Variants in ASIC2 observed in about 807,000 individuals in gnomAD.
The protein encoded by ASIC2 is acid-sensing ion channel 2.
ASIC2 carries 25 observed loss-of-function variants against 57.3 expected under a neutral mutation model. The observed-to-expected ratio is 0.44, with a 90% CI of 0.32 to 0.61. ASIC2 has a LOEUF of 0.61. Ranked by LOEUF, ASIC2 falls within the 20% of genes least tolerant of loss-of-function variation. The probability of loss-of-function intolerance (pLI) is 0.06; values close to 1 mark genes in which losing one functional copy is unlikely to be tolerated. For missense variants in ASIC2, 641 were observed against 738.1 expected, an observed-to-expected ratio of 0.87 and a Z score of 1.52; for synonymous variants, 319 against 307.5, an observed-to-expected ratio of 1.04 and a Z score of -0.39.
chr17:33,687,358 G>A (rs1002982424), intron 1 of ASIC2, among the ~76,000 whole-genome samples: 2 of 152,184 alleles, frequency 1.3e-5, no homozygotes, highest in African/African-American at 4.8e-5. Flanking sequence ...CAAGAAGGAA[G>A]ATCCAAACAA....
intron 1 of ASIC2, among the ~76,000 whole-genome samples, chr17:33,159,190 C>A (rs1716805845): frequency 6.6e-6 from 1 of 152,172 alleles, no homozygotes; most frequent in Non-Finnish European, 1.5e-5. Context: ...GTTTGCTTAA[C>A]AACAGTAATT....
chr17:33,095,336 T>C (rs866435316), intron 2 of ASIC2, among the ~76,000 whole-genome samples: 18 of 152,294 alleles, frequency 1.2e-4, no homozygotes, highest in Middle Eastern at 6.8e-3. Context: ...CTCCATTCGG[T>C]GCCCCAATGT....
At chr17:33,639,512 T>G (rs1272298460) in intron 1 of ASIC2, among the ~76,000 whole-genome samples, 1 of 152,160 alleles carries the variant, frequency 6.6e-6, no homozygotes, top group East Asian at 1.9e-4. Flanking sequence ...CTGGGGTCCC[T>G]GGGAGCCTGC....
At chr17:33,470,051 G>A (rs1230579879) in intron 1 of ASIC2, among the ~76,000 whole-genome samples, 3 of 152,128 alleles carry the variant, frequency 2.0e-5, no homozygotes, top group African/African-American at 7.2e-5. Flanking sequence ...CACTGAAATG[G>A]GGAACATGCA....
chr17:33,491,864 A>G (rs183659382), intron 1 of ASIC2, among the ~76,000 whole-genome samples: 2 of 152,078 alleles, frequency 1.3e-5, no homozygotes, highest in East Asian at 3.9e-4. Flanking sequence ...GAGTTTATTC[A>G]TTAGACATGT....
At chr17:33,406,887 A>G (rs1910493233) in intron 1 of ASIC2, among the ~76,000 whole-genome samples, 1 of 152,196 alleles carries the variant, frequency 6.6e-6, no homozygotes, top group South Asian at 2.1e-4. Context: ...AAATGATGAA[A>G]GTTATAATAG....
At chr17:33,636,246 T>C (rs958158618) in intron 1 of ASIC2, among the ~76,000 whole-genome samples, 1 of 152,240 alleles carries the variant, frequency 6.6e-6, no homozygotes, top group Non-Finnish European at 1.5e-5. Flanking sequence ...TAGAGTTTCA[T>C]GTTTTAAGTT....
At chr17:33,454,032 G>A (rs897742851) in intron 1 of ASIC2, among the ~76,000 whole-genome samples, 2 of 152,142 alleles carry the variant, frequency 1.3e-5, no homozygotes, top group Non-Finnish European at 2.9e-5. Flanking sequence ...GGACATTTTT[G>A]TTATTTACTG....
At chr17:33,087,384 A>G (rs906811312) in intron 3 of ASIC2, among the ~76,000 whole-genome samples, 13 of 152,018 alleles carry the variant, frequency 8.6e-5, no homozygotes, top group African/African-American at 3.1e-4. Context: ...AGGCCAGGCT[A>G]ACCTTCCAGC....
chr17:33,026,203 G>T (rs1038968469), intron 4 of ASIC2, among the ~76,000 whole-genome samples: 1 of 152,182 alleles, frequency 6.6e-6, no homozygotes, highest in Non-Finnish European at 1.5e-5. Context: ...TGTTCACCTC[G>T]TTGAGCAGGA....
chr17:33,703,186 G>A (rs1054160198), intron 1 of ASIC2, among the ~76,000 whole-genome samples: 8 of 152,184 alleles, frequency 5.3e-5, no homozygotes, highest in Admixed American at 1.3e-4. Flanking sequence ...ATACATGGAC[G>A]CCTAGAACAG....
intron 1 of ASIC2, among the ~76,000 whole-genome samples, chr17:33,417,074 T>C (rs1207026074): frequency 1.3e-5 from 2 of 151,634 alleles, no homozygotes; most frequent in Non-Finnish European, 2.9e-5. Context: ...ATTCCTTGGG[T>C]AAAAGCAGCT....
At chr17:33,347,247 T>A (rs1388513169) in intron 1 of ASIC2, among the ~76,000 whole-genome samples, 1 of 152,212 alleles carries the variant, frequency 6.6e-6, no homozygotes, top group East Asian at 1.9e-4. Flanking sequence ...CACATGAGCA[T>A]CTTTTCAGTA....
chr17:33,269,246 G>A (rs112629951), intron 1 of ASIC2, among the ~76,000 whole-genome samples: 2 of 152,180 alleles, frequency 1.3e-5, no homozygotes, highest in African/African-American at 2.4e-5. Context: ...ACTCACACAT[G>A]ATGGAGGCTT....
chr17:33,938,479 C>G (rs368648215), intron 1 of ASIC2, among the ~76,000 whole-genome samples: 1 of 152,180 alleles, frequency 6.6e-6, no homozygotes, highest in East Asian at 1.9e-4. Flanking sequence ...CCCTATATTC[C>G]CAGTAATAAT....
At chr17:33,924,760 G>A (rs896509962) in intron 1 of ASIC2, among the ~76,000 whole-genome samples, 3 of 152,150 alleles carry the variant, frequency 2.0e-5, no homozygotes, top group Non-Finnish European at 4.4e-5. Flanking sequence ...CTGCTGTCTC[G>A]GGCTGTTCAA....
intron 1 of ASIC2, among the ~76,000 whole-genome samples, chr17:34,055,147 A>G (rs9892990): frequency 0.19 from 29,364 of 152,160 alleles, 3,468 homozygotes; most frequent in African/African-American, 0.34. Context: ...CATTTAAATC[A>G]TAACATATAG....
intron 3 of ASIC2, 30 bp downstream of exon 3, chr17:33,088,833 C>A: frequency 1.3e-6 from 2 of 1,590,898 alleles, no homozygotes; most frequent in African/African-American, 1.3e-5. Flanking sequence ...AGGCTGAGGA[C>A]CATCAATCCT....
At chr17:34,023,429 C>T (rs1334044224) in intron 1 of ASIC2, among the ~76,000 whole-genome samples, 1 of 151,550 alleles carries the variant, frequency 6.6e-6, no homozygotes, top group Non-Finnish European at 1.5e-5. Flanking sequence ...TTCTGAACTG[C>T]TGCAGAGGCT....
Sources: allele counts gnomAD v4.1 joint callset (sites outside exome capture counted in the v4.1 genomes callset), GRCh38; gene constraint gnomAD v4.1.1; transcripts MANE v1.5; gene names NCBI Gene and HGNC (gene_info 2026-07-23, HGNC 2026-07-21).